Variants in MYO1A observed in about 807,000 individuals in gnomAD.
MYO1A encodes the protein myosin IA, also known as unconventional myosin-Ia.
Under a neutral mutation model 138.5 loss-of-function variants are expected in MYO1A, and 127 were observed. The observed-to-expected ratio is 0.92, with a 90% CI of 0.79 to 1.06. The LOEUF (loss-of-function observed/expected upper bound fraction) is 1.06. MYO1A is among the 50% of genes least tolerant of loss of function. The pLI is 0.00. For synonymous variants in MYO1A, 477 were observed against 497.5 expected, an observed-to-expected ratio of 0.96 and a Z score of 0.55; for missense variants, 1,211 against 1,288.8, an observed-to-expected ratio of 0.94 and a Z score of 0.92.
intron 8 of MYO1A, among the ~76,000 whole-genome samples, chr12:57,045,139 C>A (rs962140538): frequency 4.6e-5 from 7 of 152,192 alleles, no homozygotes; most frequent in Admixed American, 1.3e-4. Flanking sequence ...CATAAATGAG[C>A]AACTTGTGGG....
Position 57,029,416 on chromosome 12 carries a change from C to A in MYO1A, c.2877+19G>T. 6.2e-7 allele frequency: 1 copy of A among 1,614,058 alleles called. No homozygotes were observed. The highest frequency in any genetic ancestry group is 8.5e-7 in the Non-Finnish European group (1 of 1,180,018). On this transcript the variant is annotated intron_variant, in intron 26 of 27. Coordinates refer to ENST00000300119, the MANE Select transcript of MYO1A (RefSeq NM_005379.4). ...ACCACCTTCTCCAGTCCAAGGCTTG[C>A]CCCACCCAGCTCTGATACCTCACTC...
At chr12:57,040,980 G>A (rs767872400) in intron 14 of MYO1A, among the ~76,000 whole-genome samples, 1 of 152,204 alleles carries the variant, frequency 6.6e-6, no homozygotes, top group East Asian at 1.9e-4. Context: ...ATGTACCCTG[G>A]GAGGCCAGGG....
chr12:57,045,693 C>A (rs144492312), intron 8 of MYO1A, among the ~76,000 whole-genome samples: 4 of 152,210 alleles, frequency 2.6e-5, no homozygotes, highest in Admixed American at 1.3e-4. Flanking sequence ...CAGACACCCA[C>A]GGTGCTCACA....
intron 12 of MYO1A, among the ~76,000 whole-genome samples, chr12:57,041,864 T>C (rs2030875783): frequency 6.6e-6 from 1 of 152,222 alleles, no homozygotes; most frequent in African/African-American, 2.4e-5. Flanking sequence ...ATTTTACAGA[T>C]AACAAAGTCA....
At chr12:57,046,751 T>C in intron 7 of MYO1A, 101 bp from the exon 8 acceptor site, 4 of 1,500,392 alleles carry the variant, frequency 2.7e-6, no homozygotes, top group South Asian at 1.1e-5. Context: ...TTCCTAGTGG[T>C]TGGGAAGTCT....
intron 17 of MYO1A, 111 bp downstream of exon 17, chr12:57,038,301 C>T: frequency 7.8e-7 from 1 of 1,282,866 alleles, no homozygotes; most frequent in Non-Finnish European, 1.1e-6. Context: ...AGGAAAGGAC[C>T]TCTGACATCC....
chr12:57,031,543 T>C (rs2030287185), intron 22 of MYO1A, among the ~76,000 whole-genome samples: 1 of 152,180 alleles, frequency 6.6e-6, no homozygotes, highest in South Asian at 2.1e-4. Flanking sequence ...ACTGTCTGTG[T>C]CAGCTGTTGG....
At chr12:57,032,469 G>A (rs937917279) in intron 22 of MYO1A, among the ~76,000 whole-genome samples, 3 of 152,180 alleles carry the variant, frequency 2.0e-5, no homozygotes, top group Non-Finnish European at 4.4e-5. Flanking sequence ...CAAAGAAGTA[G>A]ACCCTGAGGC....
intron 1 of MYO1A, among the ~76,000 whole-genome samples, chr12:57,048,896 T>C (rs1006470522): frequency 1.3e-5 from 2 of 152,198 alleles, no homozygotes; most frequent in Non-Finnish European, 2.9e-5. Context: ...CTGTCATTGC[T>C]ACAGTGAGCT....
chr12:57,029,027 C>T (rs1044217114), intron 27 of MYO1A, 105 bp downstream of exon 27: 117 of 1,604,102 alleles, frequency 7.3e-5, no homozygotes, highest in East Asian at 6.0e-4. Context: ...CTCCAAGCCC[C>T]GGCCTGCACT....
chr12:57,029,076 C>T lies in MYO1A; in HGVS notation c.3005+56G>A. 3.1e-6 allele frequency: 5 copies of T among 1,613,810 alleles called. No homozygotes were observed. In the South Asian group the frequency reaches 5.5e-5, roughly 18 times the overall value. Reference sequence around the variant, plus strand: ...CGCTTTCTGATCCTGGTCACGATGACCATCAGCCTGGCCATCTACCGTAAG... The same window carrying T: ...CGCTTTCTGATCCTGGTCACGATGATCATCAGCCTGGCCATCTACCGTAAG... On this transcript the variant is annotated intron_variant, in intron 27 of 27. Transcript: ENST00000300119.
At position 57,044,151 on chromosome 12, in the gene MYO1A, G is replaced by A; in HGVS notation, c.699C>T (p.Ser233=). ...AGGCGTCGTCCATGCCATCCACTCT[G>A]GATACTTCATGATTCAGATAGGCAT... ...TGYAYLNHEV[S]RVDGMDDASS... is the part of the protein sequence containing the mutation. The change falls in exon 9 of 28, where the codon TCC becomes TCT. Residue 233 remains serine (S), a synonymous_variant. Transcript: ENST00000300119. 1.2e-6 allele frequency: 2 copies of A among 1,614,138 alleles called. No individual in the cohort carries two copies. The highest frequency in any genetic ancestry group is 1.7e-6 in the Non-Finnish European group (2 of 1,180,026).
chr12:57,048,186 C>T (rs763225462), intron 2 of MYO1A, 24 bp downstream of exon 2: 2 of 1,607,060 alleles, frequency 1.2e-6, no homozygotes, highest in South Asian at 2.2e-5. Context: ...TATCCACAGC[C>T]AGAGGCACCC....
intron 23 of MYO1A, 128 bp downstream of exon 23, chr12:57,030,912 G>A (rs2030246996): frequency 1.8e-6 from 2 of 1,131,892 alleles, no homozygotes; most frequent in Non-Finnish European, 2.5e-6. Flanking sequence ...ATGGTAGATT[G>A]TATGTTATGT....
At chr12:57,038,375 C>T (rs1414079414) in intron 17 of MYO1A, 37 bp downstream of exon 17, 2 of 1,604,736 alleles carry the variant, frequency 1.2e-6, no homozygotes, top group Admixed American at 3.3e-5. Context: ...CGTGCCATCA[C>T]ATATGTAGCA....
intron 14 of MYO1A, chr12:57,039,559 A>G (rs960479509): frequency 3.8e-5 from 17 of 449,174 alleles, no homozygotes; most frequent in South Asian, 2.9e-4. Flanking sequence ...GAAGTGTAAC[A>G]TGTTGAGTGA....
chr12:57,038,300 C>T lies in MYO1A; in HGVS notation c.1760+112G>A. 19 of 1,266,126 alleles carry T rather than the reference C, an allele frequency of 1.5e-5. No individual in the cohort carries two copies. The South Asian group carries it at 2.4e-4, about 16-fold the overall frequency. The allele number at this position is 1,266,126 out of a possible 1,614,324, so 78.4% of individuals were successfully genotyped here. ...CTGACTGTTTTCTGTGAGGAAAGGA[C>T]CTCTGACATCCTTATTCCAGAAGCA... On this transcript the variant is annotated intron_variant, in intron 17 of 27. Coordinates refer to ENST00000300119, the MANE Select transcript of MYO1A (RefSeq NM_005379.4).
chr12:57,049,420 C>T (rs1013598131), intron 1 of MYO1A, among the ~76,000 whole-genome samples: 1 of 152,212 alleles, frequency 6.6e-6, no homozygotes, highest in African/African-American at 2.4e-5. Context: ...GAAGGAGGAA[C>T]GGAAGTGGGG....
At chr12:57,030,085 CAGAG>C in intron 24 of MYO1A, 121 bp downstream of exon 24, 1 of 1,217,674 alleles carries the variant, frequency 8.2e-7, no homozygotes, top group Non-Finnish European at 1.2e-6. Context: ...CCTGCTGGAT[CAGAG>C]ACTCTGAGGA....
Sources: gnomAD v4.1 joint callset for allele counts (sites outside exome capture counted in the v4.1 genomes callset) on GRCh38, gnomAD v4.1.1 for gene constraint, MANE v1.5 for transcripts, NCBI Gene and HGNC (gene_info 2026-07-23, HGNC 2026-07-21) for gene names.